The following TSHZ2 variants were observed in gnomAD, a reference collection of about 807,000 sequenced individuals.
The protein encoded by TSHZ2 is teashirt homolog 2.
Under a neutral mutation model 74.4 loss-of-function variants are expected in TSHZ2, and 21 were observed. The observed-to-expected ratio is 0.28, with a 90% CI of 0.20 to 0.41. The LOEUF is 0.41. Ranked by LOEUF, TSHZ2 falls within the 10% of genes least tolerant of loss-of-function variation. TSHZ2 has a pLI of 1.00. For synonymous variants in TSHZ2, 540 were observed against 515.3 expected, an observed-to-expected ratio of 1.05 and a Z score of -0.65; for missense variants, 1,244 against 1,293.5, an observed-to-expected ratio of 0.96 and a Z score of 0.59.
intron 1 of TSHZ2, among the ~76,000 whole-genome samples, chr20:53,220,049 G>C (rs1989519056): frequency 1.3e-5 from 2 of 152,156 alleles, no homozygotes; most frequent in South Asian, 4.1e-4. Flanking sequence ...TGTGAGATAA[G>C]ACAAGAAAAC....
At chr20:53,100,371 G>C (rs1986182056) in intron 1 of TSHZ2, among the ~76,000 whole-genome samples, 2 of 152,146 alleles carry the variant, frequency 1.3e-5, no homozygotes, top group African/African-American at 4.8e-5. Flanking sequence ...CCCCTCGTTG[G>C]CTGTGGCTTT....
At chr20:52,974,236 C>G (rs1490224187) in intron 1 of TSHZ2, among the ~76,000 whole-genome samples, 2 of 152,172 alleles carry the variant, frequency 1.3e-5, no homozygotes, top group Admixed American at 1.3e-4. Flanking sequence ...GACCCACCCA[C>G]TGAAAAATCA....
intron 1 of TSHZ2, among the ~76,000 whole-genome samples, chr20:53,068,793 C>A (rs1985077183): frequency 6.6e-6 from 1 of 151,992 alleles, no homozygotes; most frequent in Non-Finnish European, 1.5e-5. Flanking sequence ...AAAAATGGTC[C>A]TTTTCATGCA....
At chr20:53,237,504 A>AGTGTGT (rs59294548) in intron 1 of TSHZ2, among the ~76,000 whole-genome samples, 28 of 149,706 alleles carry the variant, frequency 1.9e-4, no homozygotes, top group Middle Eastern at 3.5e-3. Context: ...TCTCTGTGTG[A>AGTGTGT]GTGTGTGTGT....
chr20:53,482,897 C>T (rs1986193612), intron 2 of TSHZ2, among the ~76,000 whole-genome samples: 1 of 151,956 alleles, frequency 6.6e-6, no homozygotes, highest in African/African-American at 2.4e-5. Flanking sequence ...CAGAGTGAGA[C>T]TCTGTCTCAA....
intron 2 of TSHZ2, among the ~76,000 whole-genome samples, chr20:53,350,002 T>G (rs1420666412): frequency 6.6e-6 from 1 of 152,174 alleles, no homozygotes; most frequent in East Asian, 1.9e-4. Flanking sequence ...AGGGGCCTCT[T>G]CCTTGAATTA....
At chr20:53,157,435 C>A (rs1239299409) in intron 1 of TSHZ2, among the ~76,000 whole-genome samples, 2 of 137,896 alleles carry the variant, frequency 1.5e-5, no homozygotes, top group Non-Finnish European at 3.0e-5. Flanking sequence ...GAGACAGGAT[C>A]TTGCTCTGTT....
chr20:53,441,414 C>A (rs1330233378), intron 2 of TSHZ2, among the ~76,000 whole-genome samples: 1 of 150,834 alleles, frequency 6.6e-6, no homozygotes, highest in East Asian at 2.0e-4. Flanking sequence ...TATAGGCACC[C>A]GCCACCAAAA....
intron 2 of TSHZ2, among the ~76,000 whole-genome samples, chr20:53,335,945 T>A (rs574037061): frequency 6.6e-6 from 1 of 152,090 alleles, no homozygotes; most frequent in Non-Finnish European, 1.5e-5. Context: ...ACATGGGGAG[T>A]CTAATCAGGA....
intron 2 of TSHZ2, among the ~76,000 whole-genome samples, chr20:53,325,692 G>T (rs1229494099): frequency 6.6e-6 from 1 of 151,890 alleles, no homozygotes. Context: ...TTGTTTGTTT[G>T]TTTTTAACTG....
intron 2 of TSHZ2, among the ~76,000 whole-genome samples, chr20:53,289,185 T>C (rs1052762626): frequency 2.9e-5 from 4 of 137,172 alleles, no homozygotes; most frequent in African/African-American, 9.9e-5. Flanking sequence ...GTGGTGTATA[T>C]ATACCACATT....
At chr20:53,212,068 C>G (rs1183841489) in intron 1 of TSHZ2, among the ~76,000 whole-genome samples, 1 of 152,142 alleles carries the variant, frequency 6.6e-6, no homozygotes, top group African/African-American at 2.4e-5. Flanking sequence ...CAAAATTGTT[C>G]CTAACTCTCA....
intron 1 of TSHZ2, among the ~76,000 whole-genome samples, chr20:53,055,970 A>T (rs1984626629): frequency 6.6e-6 from 1 of 152,226 alleles, no homozygotes; most frequent in Admixed American, 6.5e-5. Flanking sequence ...CTTGATGGAA[A>T]ATGTTTGCCA....
At chr20:53,383,079 G>C (rs1311063823) in intron 2 of TSHZ2, among the ~76,000 whole-genome samples, 2 of 152,020 alleles carry the variant, frequency 1.3e-5, no homozygotes, top group African/African-American at 4.8e-5. Context: ...TGGGCAACAT[G>C]GTGAAACCCC....
chr20:53,149,152 G>A (rs77969570), intron 1 of TSHZ2, among the ~76,000 whole-genome samples: 2,885 of 150,972 alleles, frequency 0.019, 85 homozygotes, highest in African/African-American at 0.067. Flanking sequence ...GCAGGATCCT[G>A]ACAATGTACT....
At chr20:53,263,552 G>T (rs6097320) in intron 2 of TSHZ2, among the ~76,000 whole-genome samples, 8,063 of 152,218 alleles carry the variant, frequency 0.053, 422 homozygotes, top group African/African-American at 0.13. Context: ...AGTCGAGAGG[G>T]TTTTTTTAAT....
chr20:53,184,170 T>A (rs1284117109), intron 1 of TSHZ2, among the ~76,000 whole-genome samples: 3 of 152,214 alleles, frequency 2.0e-5, no homozygotes, highest in African/African-American at 7.2e-5. Flanking sequence ...ATAAATCATC[T>A]TTCCATGCAT....
chr20:53,472,553 G>A (rs1985843808), intron 2 of TSHZ2, among the ~76,000 whole-genome samples: 1 of 152,172 alleles, frequency 6.6e-6, no homozygotes, highest in Non-Finnish European at 1.5e-5. Context: ...CCAGCTGGAT[G>A]TTCAGATCTG....
intron 2 of TSHZ2, among the ~76,000 whole-genome samples, chr20:53,469,520 GGTGA>G (rs930302116): frequency 1.3e-5 from 2 of 151,136 alleles, no homozygotes; most frequent in Non-Finnish European, 2.9e-5. Context: ...CTCCAGCCTG[GGTGA>G]GTGAGACTCT....
Sources: allele counts gnomAD v4.1 joint callset (sites outside exome capture counted in the v4.1 genomes callset), GRCh38; gene constraint gnomAD v4.1.1; transcripts MANE v1.5; gene names NCBI Gene and HGNC (gene_info 2026-07-23, HGNC 2026-07-21).